NRG1: variants seen among roughly 807,000 people sequenced by gnomAD.
NRG1 encodes the protein pro-neuregulin-1, membrane-bound isoform.
In NRG1, 18 loss-of-function variants were observed where a neutral mutation model predicts 63.8. The ratio of observed to expected loss-of-function variants is 0.28; its 90% CI spans 0.19 to 0.42. NRG1 has a LOEUF of 0.42. NRG1 is among the 10% of genes least tolerant of loss of function. The pLI, the probability that NRG1 is intolerant of heterozygous loss-of-function variation, is 1.00. For synonymous variants in NRG1, 302 were observed against 301.3 expected, an observed-to-expected ratio of 1.00 and a Z score of -0.02; for missense variants, 762 against 814.7, an observed-to-expected ratio of 0.94 and a Z score of 0.79.
intron 1 of NRG1, among the ~76,000 whole-genome samples, chr8:31,744,056 G>T (rs1815596471): frequency 6.6e-6 from 1 of 151,924 alleles, no homozygotes; most frequent in Admixed American, 6.6e-5. Context: ...TTTGCATTTT[G>T]GTTATCTCTT....
At position 32,703,982 on chromosome 8, in the gene NRG1, A is replaced by G. The variant is rs542158658; in HGVS notation, c.503-23967A>G. Reference sequence around the variant, plus strand: ...TTAATTTCAGATACCATCAGCAAAAATGGAATATGCTGAACAAGCACTTAC... The same window carrying G: ...TTAATTTCAGATACCATCAGCAAAAGTGGAATATGCTGAACAAGCACTTAC... On this transcript the variant is annotated intron_variant, in intron 5 of 11. Transcript: ENST00000356819. Among the ~76,000 whole-genome samples, 98 of 152,216 alleles carry G rather than the reference A, an allele frequency of 6.4e-4. 1 individual carries two copies. Among genetic ancestry groups the G allele is most frequent in the Non-Finnish European group, 1.3e-3 (90 of 68,046 alleles).
intron 1 of NRG1, among the ~76,000 whole-genome samples, chr8:32,412,059 C>T (rs1464678679): frequency 1.3e-5 from 2 of 152,016 alleles, no homozygotes; most frequent in African/African-American, 2.4e-5. Flanking sequence ...AAAGCAGATT[C>T]GTCTCCCCTA....
At chr8:32,303,855 T>G (rs184011624) in intron 1 of NRG1, among the ~76,000 whole-genome samples, 6 of 152,318 alleles carry the variant, frequency 3.9e-5, no homozygotes, top group Admixed American at 2.0e-4. Context: ...AGATACGAAA[T>G]TTACTTGGAA....
intron 1 of NRG1, among the ~76,000 whole-genome samples, chr8:31,766,716 T>A (rs1818100951): frequency 6.6e-6 from 1 of 152,220 alleles, no homozygotes; most frequent in Non-Finnish European, 1.5e-5. Flanking sequence ...GCTTTAGTGA[T>A]TTTTCTGCCA....
intron 1 of NRG1, among the ~76,000 whole-genome samples, chr8:31,981,543 T>C (rs997379180): frequency 6.6e-6 from 1 of 152,200 alleles, no homozygotes; most frequent in South Asian, 2.1e-4. Context: ...CTTGCCTATC[T>C]GATGATTTAG....
rs528131579 is a variant in NRG1 at position 31,855,962 on chromosome 8, G to T, written c.37+216531G>T. ...GGCCCCCACTCTCTTCTGGCTTGTA[G>T]AGTTTCTGCCGAGAGATCTGCTGTT... On this transcript the variant is annotated intron_variant, in intron 1 of 10. Coordinates refer to the NRG1 transcript ENST00000519301. 6.6e-3 allele frequency among the ~76,000 whole-genome samples: 1,008 copies of T among 151,780 alleles called. 11 individuals are homozygous for T. The highest frequency in any genetic ancestry group is 0.023 in the African/African-American group (966 of 41,270).
chr8:32,367,744 C>T (rs958061257), intron 1 of NRG1, among the ~76,000 whole-genome samples: 2 of 152,056 alleles, frequency 1.3e-5, no homozygotes, highest in Non-Finnish European at 2.9e-5. Flanking sequence ...ACAAGATCTT[C>T]GCCCAGACCA....
At chr8:32,537,816 G>C (rs1229540382) in intron 1 of NRG1, among the ~76,000 whole-genome samples, 1 of 152,068 alleles carries the variant, frequency 6.6e-6, no homozygotes, top group Non-Finnish European at 1.5e-5. Context: ...CTTTTTCAAG[G>C]ACAGGCTTCT....
At chr8:32,525,050 T>C in intron 1 of NRG1, among the ~76,000 whole-genome samples, 1 of 152,240 alleles carries the variant, frequency 6.6e-6, no homozygotes, top group East Asian at 1.9e-4. Context: ...CGCTGAAACC[T>C]TGAGCAAAGA....
intron 5 of NRG1, among the ~76,000 whole-genome samples, chr8:32,625,402 C>A (rs1247562708): frequency 6.6e-6 from 1 of 152,196 alleles, no homozygotes; most frequent in Non-Finnish European, 1.5e-5. Flanking sequence ...ATTTATCCAT[C>A]AACGATGGGC....
chr8:32,671,581 C>T lies in NRG1; in HGVS notation c.502+54696C>T, dbSNP rs1263669084. 1.3e-5 allele frequency among the ~76,000 whole-genome samples: 2 copies of T among 152,154 alleles called. 1 individual carries two copies. The highest frequency in any genetic ancestry group is 4.1e-4 in the South Asian group (2 of 4,834). ...AAAATGCTTAAAAAATGTTAAGCAG[C>T]ATGTATGCACGCACACACATGCAAC... On this transcript the variant is annotated intron_variant, in intron 5 of 11. Transcript: ENST00000356819.
At chr8:31,837,312 G>T (rs571486651) in intron 1 of NRG1, among the ~76,000 whole-genome samples, 57 of 151,996 alleles carry the variant, frequency 3.8e-4, no homozygotes, top group Middle Eastern at 6.8e-3. Flanking sequence ...GTCAAAAATT[G>T]AGAGACCTTC....
intron 5 of NRG1, among the ~76,000 whole-genome samples, chr8:32,664,453 G>C (rs1367479938): frequency 6.6e-6 from 1 of 152,104 alleles, no homozygotes; most frequent in African/African-American, 2.4e-5. Flanking sequence ...AAGGGAAACA[G>C]ACATGTTAAG....
At chr8:31,965,052 G>A (rs1239303494) in intron 1 of NRG1, among the ~76,000 whole-genome samples, 3 of 152,174 alleles carry the variant, frequency 2.0e-5, no homozygotes, top group East Asian at 1.9e-4. Flanking sequence ...AACTTCAGCT[G>A]AGATTTTAGC....
intron 1 of NRG1, among the ~76,000 whole-genome samples, chr8:32,495,317 C>T (rs1051071613): frequency 2.0e-5 from 3 of 152,236 alleles, no homozygotes; most frequent in Non-Finnish European, 4.4e-5. Context: ...TTCCCCTGCA[C>T]ATGCTGTCTT....
intron 1 of NRG1, among the ~76,000 whole-genome samples, chr8:32,572,509 TAACTGCA>T (rs1838802707): frequency 6.6e-6 from 1 of 152,332 alleles, no homozygotes; most frequent in South Asian, 2.1e-4. Flanking sequence ...AGTGTCGTCT[TAACTGCA>T]ATGTACTATC....
intron 1 of NRG1, among the ~76,000 whole-genome samples, chr8:32,396,147 G>T (rs1812410485): frequency 6.6e-6 from 1 of 152,124 alleles, no homozygotes; most frequent in African/African-American, 2.4e-5. Flanking sequence ...AAATCTTGAA[G>T]TCTGGTAAAT....
intron 1 of NRG1, among the ~76,000 whole-genome samples, chr8:32,376,793 G>A (rs1247776067): frequency 2.0e-5 from 3 of 152,172 alleles, no homozygotes; most frequent in African/African-American, 7.2e-5. Context: ...CTTCCAAGCA[G>A]TGAGAGCAAG....
chr8:32,644,630 G>A (rs1442272284), intron 5 of NRG1, among the ~76,000 whole-genome samples: 1 of 152,160 alleles, frequency 6.6e-6, no homozygotes, highest in Non-Finnish European at 1.5e-5. Context: ...ACTTTTGGGG[G>A]AAAAACAGAC....
Sources: gnomAD v4.1 joint callset for allele counts (sites outside exome capture counted in the v4.1 genomes callset) on GRCh38, gnomAD v4.1.1 for gene constraint, MANE v1.5 for transcripts, NCBI Gene and HGNC (gene_info 2026-07-23, HGNC 2026-07-21) for gene names.